The following DCC variants were observed in gnomAD, a reference collection of about 807,000 sequenced individuals.
The protein encoded by DCC is DCC netrin 1 receptor, also known as netrin receptor DCC.
DCC carries 58 observed loss-of-function variants against 172.5 expected under a neutral mutation model. That is an observed-to-expected ratio of 0.34 (90% CI 0.27 to 0.42). The LOEUF (loss-of-function observed/expected upper bound fraction) is 0.42. Ranked by LOEUF, DCC falls within the 10% of genes least tolerant of loss-of-function variation. The probability of loss-of-function intolerance (pLI) is 1.00; values close to 1 mark genes in which losing one functional copy is unlikely to be tolerated. For missense variants in DCC, 1,740 were observed against 1,791.0 expected, an observed-to-expected ratio of 0.97 and a Z score of 0.51; for synonymous variants, 709 against 644.5, an observed-to-expected ratio of 1.10 and a Z score of -1.52.
At chr18:53,365,256 C>A (rs57330392) in intron 15 of DCC, among the ~76,000 whole-genome samples, 55,191 of 151,618 alleles carry the variant, frequency 0.36, 10,398 homozygotes, top group Middle Eastern at 0.45. Context: ...GACATGAACT[C>A]ATCTTTTTAA....
chr18:52,701,433 C>A (rs78155398), intron 1 of DCC, among the ~76,000 whole-genome samples: 1,959 of 152,238 alleles, frequency 0.013, 33 homozygotes, highest in African/African-American at 0.044. Context: ...GAGTTTCCTT[C>A]CTTCCTACCC....
At chr18:52,647,382 G>T (rs1394920041) in intron 1 of DCC, among the ~76,000 whole-genome samples, 1 of 152,148 alleles carries the variant, frequency 6.6e-6, no homozygotes, top group African/African-American at 2.4e-5. Context: ...AAAAACTACA[G>T]TATGGAGGAC....
At chr18:52,814,582 A>T (rs1183423420) in intron 2 of DCC, among the ~76,000 whole-genome samples, 1 of 152,220 alleles carries the variant, frequency 6.6e-6, no homozygotes, top group Non-Finnish European at 1.5e-5. Flanking sequence ...GAAAATAAAG[A>T]TTGCTAAATA....
At chr18:52,367,371 A>C (rs189317230) in intron 1 of DCC, among the ~76,000 whole-genome samples, 58 of 152,304 alleles carry the variant, frequency 3.8e-4, no homozygotes, top group African/African-American at 1.3e-3. Flanking sequence ...GGGGGTTTGA[A>C]GGGCTCCTCA....
chr18:52,486,566 G>T (rs1394995033), intron 1 of DCC, among the ~76,000 whole-genome samples: 1 of 152,138 alleles, frequency 6.6e-6, no homozygotes, highest in Non-Finnish European at 1.5e-5. Flanking sequence ...AATCAACAAA[G>T]ATGGATAATC....
At chr18:52,452,146 G>A (rs1236940930) in intron 1 of DCC, among the ~76,000 whole-genome samples, 1 of 152,112 alleles carries the variant, frequency 6.6e-6, no homozygotes, top group East Asian at 1.9e-4. Context: ...TTTTCACAAG[G>A]ACTCAACTAA....
intron 5 of DCC, among the ~76,000 whole-genome samples, chr18:52,975,027 A>C (rs140442269): frequency 2.0e-5 from 3 of 152,294 alleles, no homozygotes; most frequent in African/African-American, 7.2e-5. Flanking sequence ...GAAACAGAGG[A>C]CGGACCTTGT....
chr18:53,457,132 C>T (rs182241696), intron 23 of DCC, among the ~76,000 whole-genome samples: 8 of 152,318 alleles, frequency 5.3e-5, no homozygotes, highest in Non-Finnish European at 8.8e-5. Context: ...CTTCTTAGAA[C>T]TTGTCTTGAT....
intron 1 of DCC, among the ~76,000 whole-genome samples, chr18:52,466,823 C>G (rs1348186561): frequency 6.6e-6 from 1 of 152,094 alleles, no homozygotes; most frequent in Non-Finnish European, 1.5e-5. Context: ...CACTCTATGC[C>G]AAACACTTAG....
At chr18:53,102,932 A>G (rs2144224146) in intron 7 of DCC, among the ~76,000 whole-genome samples, 1 of 152,220 alleles carries the variant, frequency 6.6e-6, no homozygotes, top group Non-Finnish European at 1.5e-5. Flanking sequence ...GGATTATTTC[A>G]TTTTATCCTT....
In DCC at chr18:52,854,001, C is replaced by T. The variant is rs1963962629; in HGVS notation, c.413-52043C>T. On this transcript the variant is annotated intron_variant, in intron 2 of 28. Transcript: ENST00000442544. ...AGATCATTAGCCACTCAGTTTTTGGCAAATAGCTTTTCTTGACTTCAGTTT... is the reference window on the plus strand; with the variant it reads ...AGATCATTAGCCACTCAGTTTTTGGTAAATAGCTTTTCTTGACTTCAGTTT... Among the ~76,000 whole-genome samples the T allele has an allele frequency of 2.0e-5, 3 of 152,114 alleles. No individual in the cohort carries two copies. In the South Asian group the frequency reaches 6.2e-4, roughly 32 times the overall value.
At chr18:53,414,578 G>C (rs928318884) in intron 20 of DCC, among the ~76,000 whole-genome samples, 1 of 152,152 alleles carries the variant, frequency 6.6e-6, no homozygotes, top group Admixed American at 6.6e-5. Context: ...GCCGGGCGTG[G>C]TGGCTCACAC....
chr18:52,424,265 C>T (rs1237115857), intron 1 of DCC, among the ~76,000 whole-genome samples: 4 of 152,098 alleles, frequency 2.6e-5, no homozygotes, highest in Admixed American at 2.0e-4. Flanking sequence ...CCACAATCAC[C>T]GTTCGTGCTG....
intron 15 of DCC, among the ~76,000 whole-genome samples, chr18:53,362,602 G>T (rs1399368240): frequency 6.6e-6 from 1 of 152,146 alleles, no homozygotes; most frequent in Non-Finnish European, 1.5e-5. Context: ...TTTAAAGCAA[G>T]TATCTTGTAC....
At chr18:53,260,146 G>A (rs551464444) in intron 12 of DCC, among the ~76,000 whole-genome samples, 22 of 152,054 alleles carry the variant, frequency 1.4e-4, no homozygotes, top group Non-Finnish European at 2.1e-4. Context: ...CCATGGGTTC[G>A]AACTTCCTCC....
intron 2 of DCC, among the ~76,000 whole-genome samples, chr18:52,796,322 T>A (rs2037877146): frequency 6.6e-6 from 1 of 152,102 alleles, no homozygotes; most frequent in Non-Finnish European, 1.5e-5. Context: ...GTTATTTTCT[T>A]ATGGTTTATC....
Position 53,175,157 on chromosome 18 carries a change from G to A in DCC, c.1419-3805G>A, listed in dbSNP as rs533093168. On this transcript the variant is annotated intron_variant, in intron 8 of 28. Coordinates refer to ENST00000442544, the MANE Select transcript of DCC (RefSeq NM_005215.4). The stretch of plus-strand genomic sequence containing the variant: ...CATGCTAAAAACTCTCAATAAATTA[G>A]GTATTGATGGGACATATTTCCAAAT... Among the ~76,000 whole-genome samples the A allele has an allele frequency of 1.4e-4, 22 of 152,200 alleles. No homozygotes were observed. The South Asian group carries it at 4.2e-3, about 29-fold the overall frequency.
At chr18:52,960,533 T>G (rs924751081) in intron 5 of DCC, among the ~76,000 whole-genome samples, 1 of 152,148 alleles carries the variant, frequency 6.6e-6, no homozygotes, top group African/African-American at 2.4e-5. Context: ...TTTAAAAAAT[T>G]GACCATGGTT....
chr18:52,951,905 T>G (rs905801814), intron 5 of DCC, among the ~76,000 whole-genome samples: 1 of 152,228 alleles, frequency 6.6e-6, no homozygotes, highest in Non-Finnish European at 1.5e-5. Context: ...TAGGCAAGTG[T>G]AGAAATTTGC....
Sources: gnomAD v4.1 joint callset for allele counts (sites outside exome capture counted in the v4.1 genomes callset) on GRCh38, gnomAD v4.1.1 for gene constraint, MANE v1.5 for transcripts, NCBI Gene and HGNC (gene_info 2026-07-23, HGNC 2026-07-21) for gene names.